The following ANAPC10 variants were observed in gnomAD, a reference collection of about 807,000 sequenced individuals.
The protein encoded by ANAPC10 is anaphase promoting complex subunit 10, also known as anaphase-promoting complex subunit 10.
In ANAPC10, 12 loss-of-function variants were observed where a neutral mutation model predicts 22.0. The ratio of observed to expected loss-of-function variants is 0.55; its 90% CI spans 0.35 to 0.88. The LOEUF (loss-of-function observed/expected upper bound fraction) is 0.88. ANAPC10 is among the 40% of genes least tolerant of loss of function. The pLI is 0.01. For missense variants in ANAPC10, 188 were observed against 220.9 expected (o/e 0.85, Z 0.94); for synonymous variants, 65 against 69.5 (o/e 0.94, Z 0.32).
At chr4:145,061,220 C>T (rs1742839231) in intron 4 of ANAPC10, among the ~76,000 whole-genome samples, 1 of 152,060 alleles carries the variant, frequency 6.6e-6, no homozygotes, top group Non-Finnish European at 1.5e-5. Flanking sequence ...GCTAATGTTT[C>T]AGCACTTAGA....
chr4:145,015,739 T>C (rs1285011556), intron 4 of ANAPC10, among the ~76,000 whole-genome samples: 1 of 152,082 alleles, frequency 6.6e-6, no homozygotes, highest in Non-Finnish European at 1.5e-5. Context: ...ACAGCAGATT[T>C]CTCAGCAGAA....
At chr4:145,050,280 T>G (rs1740908833) in intron 4 of ANAPC10, among the ~76,000 whole-genome samples, 1 of 152,206 alleles carries the variant, frequency 6.6e-6, no homozygotes, top group Non-Finnish European at 1.5e-5. Flanking sequence ...AAATAAATCT[T>G]TTTCTCTGAG....
At chr4:145,054,654 C>A (rs571818001) in intron 4 of ANAPC10, among the ~76,000 whole-genome samples, 1 of 142,030 alleles carries the variant, frequency 7.0e-6, no homozygotes. Flanking sequence ...CGCGCGCGCG[C>A]GTGCGTGCAG....
At chr4:145,025,400 C>T (rs1400005874) in intron 4 of ANAPC10, among the ~76,000 whole-genome samples, 1 of 149,644 alleles carries the variant, frequency 6.7e-6, no homozygotes, top group East Asian at 2.1e-4. Context: ...GAGACACTTC[C>T]TTTCACTTGG....
chr4:145,048,401 T>G lies in ANAPC10; in HGVS notation c.327+16171A>C, dbSNP rs138318244. 2.4e-4 allele frequency among the ~76,000 whole-genome samples: 36 copies of G among 152,298 alleles called. 2 individuals carry two copies. The East Asian group carries it at 5.6e-3, about 24-fold the overall frequency. ...ATAAATATATACAATTGTTACCACA[T>G]GGGTCACAAATTTGGTTCTAAGCTT... is the stretch of plus-strand genomic sequence containing the variant. On this transcript the variant is annotated intron_variant, in intron 4 of 4. Transcript: ENST00000507656.
intron 4 of ANAPC10, among the ~76,000 whole-genome samples, chr4:145,004,782 T>C (rs1018623004): frequency 1.1e-4 from 17 of 152,332 alleles, no homozygotes; most frequent in African/African-American, 4.1e-4. Context: ...TCTATGTTCA[T>C]GAAGGATATT....
intron 2 of ANAPC10, among the ~76,000 whole-genome samples, chr4:145,089,052 G>C (rs1388014734): frequency 1.3e-5 from 2 of 152,092 alleles, no homozygotes; most frequent in African/African-American, 4.8e-5. Context: ...ATGTCTCTGT[G>C]CAAATTTCAC....
chr4:145,016,836 T>C (rs1483937804), intron 4 of ANAPC10, among the ~76,000 whole-genome samples: 1 of 152,214 alleles, frequency 6.6e-6, no homozygotes, highest in Non-Finnish European at 1.5e-5. Context: ...AACCATCTGA[T>C]GTTTGACAAA....
intron 4 of ANAPC10, among the ~76,000 whole-genome samples, chr4:145,039,603 T>C (rs892272747): frequency 6.6e-6 from 1 of 152,198 alleles, no homozygotes; most frequent in African/African-American, 2.4e-5. Context: ...TATACTCTTT[T>C]TTTTTTGTTT....
At chr4:145,041,418 G>A (rs926074494) in intron 4 of ANAPC10, among the ~76,000 whole-genome samples, 4 of 152,176 alleles carry the variant, frequency 2.6e-5, no homozygotes, top group Non-Finnish European at 4.4e-5. Flanking sequence ...ATTGATAACT[G>A]AGGAGAAAAA....
intron 2 of ANAPC10, 102 bp downstream of exon 2, chr4:145,095,883 A>C (rs1748431499): frequency 1.3e-6 from 2 of 1,506,534 alleles, no homozygotes; most frequent in Non-Finnish European, 1.8e-6. Context: ...TTAGGCATCC[A>C]CTGGGAGTCC....
intron 4 of ANAPC10, among the ~76,000 whole-genome samples, chr4:145,063,192 G>A (rs1263800468): frequency 6.6e-6 from 1 of 152,110 alleles, no homozygotes; most frequent in African/African-American, 2.4e-5. Flanking sequence ...GGTATGTGAA[G>A]TAATGCATAT....
intron 4 of ANAPC10, among the ~76,000 whole-genome samples, chr4:145,019,285 T>C (rs897751765): frequency 2.4e-4 from 36 of 152,260 alleles, no homozygotes; most frequent in African/African-American, 7.9e-4. Context: ...TGGAAATCAA[T>C]TCCAAAAGGA....
chr4:145,055,480 C>T (rs1741916839), intron 4 of ANAPC10, among the ~76,000 whole-genome samples: 1 of 151,964 alleles, frequency 6.6e-6, no homozygotes, highest in African/African-American at 2.4e-5. Context: ...ATCACTTGAA[C>T]CCAGGATGCA....
chr4:145,084,874 ATAT>A (rs1746630647), intron 2 of ANAPC10, among the ~76,000 whole-genome samples: 3 of 152,224 alleles, frequency 2.0e-5, no homozygotes, highest in African/African-American at 7.2e-5. Context: ...AGATTTAAAA[ATAT>A]TATTACAATT....
rs1731466527 is a variant in ANAPC10 at position 144,995,429 on chromosome 4, C to A, written c.502G>T (p.Gly168Cys). 1 of 1,613,350 alleles carries A rather than the reference C, an allele frequency of 6.2e-7. No homozygotes were observed. Among genetic ancestry groups the A allele is most frequent in the Non-Finnish European group, 8.5e-7 (1 of 1,179,734 alleles). ...IYTPVEESSIGKFPRCTTIDF... is the reference protein window; with the variant it reads ...IYTPVEESSICKFPRCTTIDF... Reference sequence around the variant, plus strand: ...ATAGTTGTACATCTAGGAAATTTACCAATGGAGCTCTCTTCTACTGGTGTG... The same window carrying A: ...ATAGTTGTACATCTAGGAAATTTACAAATGGAGCTCTCTTCTACTGGTGTG... The change falls in exon 5 of 5, where the codon GGT (glycine) becomes TGT (cysteine). Residue 168 changes from glycine (G) to cysteine (C), a missense_variant. Gly to Cys is a radical substitution (Grantham distance 159). Coordinates refer to ENST00000507656, the MANE Select transcript of ANAPC10 (RefSeq NM_001256706.2).
At chr4:144,997,442 TAAAG>T (rs1731794496) in intron 4 of ANAPC10, among the ~76,000 whole-genome samples, 1 of 152,110 alleles carries the variant, frequency 6.6e-6, no homozygotes, top group Admixed American at 6.6e-5. Flanking sequence ...TCAACATTCT[TAAAG>T]AAAAGAATTT....
chr4:145,037,194 C>T (rs74648992), intron 4 of ANAPC10, among the ~76,000 whole-genome samples: 2 of 152,104 alleles, frequency 1.3e-5, no homozygotes, highest in East Asian at 1.9e-4. Context: ...GGTAACATCA[C>T]GATTTGCTGC....
At chr4:145,097,423 T>C (rs1162335475) in intron 1 of ANAPC10, 3 of 1,171,612 alleles carry the variant, frequency 2.6e-6, no homozygotes, top group East Asian at 5.7e-5. Flanking sequence ...TAAAACTGCT[T>C]TGGTAGCGCA....
Sources: allele counts gnomAD v4.1 joint callset (sites outside exome capture counted in the v4.1 genomes callset), GRCh38; gene constraint gnomAD v4.1.1; transcripts MANE v1.5; gene names NCBI Gene and HGNC (gene_info 2026-07-23, HGNC 2026-07-21).